Variants in FRMD5 observed in about 807,000 individuals in gnomAD.
FRMD5 encodes FERM domain containing 5.
Under a neutral mutation model 69.0 loss-of-function variants are expected in FRMD5, and 20 were observed. The observed-to-expected ratio is 0.29, with a 90% CI of 0.20 to 0.42. The LOEUF (loss-of-function observed/expected upper bound fraction) is 0.42, where lower values mean the gene tolerates loss of function less well. Ranked by LOEUF, FRMD5 falls within the 10% of genes least tolerant of loss-of-function variation. The pLI is 1.00. For missense variants in FRMD5, 595 were observed against 708.6 expected (o/e 0.84, Z 1.82); for synonymous variants, 271 against 260.1 (o/e 1.04, Z -0.40).
At chr15:44,094,999 C>T (rs1490363261) in intron 1 of FRMD5, among the ~76,000 whole-genome samples, 2 of 152,072 alleles carry the variant, frequency 1.3e-5, no homozygotes, top group Admixed American at 1.3e-4. Context: ...CCCTAGGGAG[C>T]CAGCCGACAT....
chr15:44,021,995 G>A (rs1323343879), intron 1 of FRMD5, among the ~76,000 whole-genome samples: 4 of 152,040 alleles, frequency 2.6e-5, no homozygotes, highest in Admixed American at 6.6e-5. Context: ...CAAGATAGAC[G>A]AACCTTGAAA....
chr15:44,001,162 T>A (rs1431044594), intron 1 of FRMD5, among the ~76,000 whole-genome samples: 1 of 152,232 alleles, frequency 6.6e-6, no homozygotes, highest in Non-Finnish European at 1.5e-5. Flanking sequence ...ATCAGTGATG[T>A]TGAACACCTT....
intron 8 of FRMD5, 35 bp downstream of exon 8, chr15:43,891,946 T>G: frequency 6.4e-7 from 1 of 1,569,354 alleles, no homozygotes; most frequent in Non-Finnish European, 8.8e-7. Flanking sequence ...GTTGGTGAGA[T>G]ATAAAGAGCC....
intron 1 of FRMD5, among the ~76,000 whole-genome samples, chr15:44,086,836 G>A (rs886392108): frequency 6.6e-6 from 1 of 152,118 alleles, no homozygotes; most frequent in Admixed American, 6.5e-5. Context: ...TCATTAAAAA[G>A]TAATAATCAT....
intron 1 of FRMD5, among the ~76,000 whole-genome samples, chr15:44,007,031 T>A (rs1170749602): frequency 1.3e-5 from 2 of 151,070 alleles, no homozygotes; most frequent in Non-Finnish European, 3.0e-5. Context: ...ACTTCATGGT[T>A]ATCTTATCTT....
chr15:44,088,106 T>C (rs958334072), intron 1 of FRMD5, among the ~76,000 whole-genome samples: 25 of 152,150 alleles, frequency 1.6e-4, no homozygotes, highest in African/African-American at 6.0e-4. Context: ...AAAGTTACAT[T>C]CTAGTTGAGA....
intron 1 of FRMD5, among the ~76,000 whole-genome samples, chr15:43,951,618 A>G (rs1274401806): frequency 6.6e-6 from 1 of 152,160 alleles, no homozygotes; most frequent in East Asian, 1.9e-4. Flanking sequence ...CACACACCAG[A>G]TAATATGTGT....
At chr15:43,908,815 G>A (rs1189474586) in intron 5 of FRMD5, among the ~76,000 whole-genome samples, 1 of 152,174 alleles carries the variant, frequency 6.6e-6, no homozygotes, top group Non-Finnish European at 1.5e-5. Context: ...TAGGAAATGT[G>A]CTTGTTACTT....
intron 1 of FRMD5, among the ~76,000 whole-genome samples, chr15:44,138,800 G>A (rs1465295618): frequency 1.3e-5 from 2 of 152,152 alleles, no homozygotes; most frequent in African/African-American, 2.4e-5. Flanking sequence ...TGGCAACATG[G>A]ATGAACCTTG....
intron 1 of FRMD5, among the ~76,000 whole-genome samples, chr15:44,140,349 C>T (rs1450383951): frequency 2.0e-5 from 3 of 151,766 alleles, no homozygotes; most frequent in African/African-American, 4.8e-5. Flanking sequence ...TTATGAAATA[C>T]TAAAACTGAA....
intron 1 of FRMD5, among the ~76,000 whole-genome samples, chr15:44,032,762 A>T (rs1891738342): frequency 6.6e-6 from 1 of 152,198 alleles, no homozygotes; most frequent in South Asian, 2.1e-4. Flanking sequence ...TGGGAGTGTA[A>T]ATTAGTTCAA....
intron 1 of FRMD5, among the ~76,000 whole-genome samples, chr15:44,010,648 G>A (rs1021361986): frequency 6.6e-6 from 1 of 152,138 alleles, no homozygotes; most frequent in African/African-American, 2.4e-5. Flanking sequence ...GCCTCCCAAA[G>A]TGCTGGGATT....
At chr15:44,100,215 G>A (rs951533799) in intron 1 of FRMD5, among the ~76,000 whole-genome samples, 24 of 150,664 alleles carry the variant, frequency 1.6e-4, no homozygotes, top group Middle Eastern at 3.4e-3. Flanking sequence ...CACCACACCC[G>A]GCTAAATTTT....
chr15:44,168,793 T>C (rs912574015), intron 1 of FRMD5, among the ~76,000 whole-genome samples: 25 of 152,242 alleles, frequency 1.6e-4, no homozygotes, highest in African/African-American at 5.8e-4. Context: ...CTACCCAATC[T>C]TTCTCTTCTG....
intron 1 of FRMD5, among the ~76,000 whole-genome samples, chr15:44,143,067 G>A (rs1370711193): frequency 2.6e-5 from 4 of 151,946 alleles, no homozygotes; most frequent in South Asian, 2.1e-4. Context: ...ACTCCAGCTC[G>A]GGTGACACAG....
At chr15:44,151,225 G>A (rs568833348) in intron 1 of FRMD5, among the ~76,000 whole-genome samples, 38 of 150,522 alleles carry the variant, frequency 2.5e-4, no homozygotes, top group African/African-American at 6.6e-4. Context: ...ATGAAACCCC[G>A]TCTCTACTAA....
chr15:43,950,565 A>T (rs1377924263), intron 1 of FRMD5, among the ~76,000 whole-genome samples: 1 of 152,108 alleles, frequency 6.6e-6, no homozygotes, highest in Non-Finnish European at 1.5e-5. Context: ...AGAGACACCG[A>T]CTGAGCCTCT....
chr15:44,169,508 CAGAAAGCTTATG>C (rs1436659632), intron 1 of FRMD5, among the ~76,000 whole-genome samples: 1 of 152,118 alleles, frequency 6.6e-6, no homozygotes, highest in East Asian at 1.9e-4. Context: ...AGAGAACAGG[CAGAAAGCTTATG>C]AGAACAGAGT....
rs150083755 is a variant in FRMD5, at chr15:44,165,965, T to C, written c.102+28988A>G. The stretch of plus-strand genomic sequence containing the variant: ...TTCACTATTATAAATAATTTTCTAA[T>C]GAACATCTTGGTATAAAAATTATTT... On this transcript the variant is annotated intron_variant, in intron 1 of 13. Coordinates refer to ENST00000417257, the MANE Select transcript of FRMD5 (RefSeq NM_032892.5). Among the ~76,000 whole-genome samples the C allele has an allele frequency of 3.9e-3, 599 of 152,342 alleles. 5 individuals carry two copies. The highest frequency in any genetic ancestry group is 0.013 in the African/African-American group (560 of 41,582).
Sources: gnomAD v4.1 joint callset for allele counts (sites outside exome capture counted in the v4.1 genomes callset) on GRCh38, gnomAD v4.1.1 for gene constraint, MANE v1.5 for transcripts, NCBI Gene and HGNC (gene_info 2026-07-23, HGNC 2026-07-21) for gene names.